The following ASB3 variants were observed in gnomAD, a reference collection of about 807,000 sequenced individuals.
ASB3 encodes ankyrin repeat and SOCS box protein 3.
A neutral mutation model predicts 54.5 loss-of-function variants in ASB3; 41 were observed. The observed-to-expected ratio is 0.75, with a 90% CI of 0.59 to 0.98. The LOEUF (loss-of-function observed/expected upper bound fraction) is 0.98, where lower values mean the gene tolerates loss of function less well. ASB3 is among the 50% of genes least tolerant of loss of function. The pLI is 0.00. For synonymous variants in ASB3, 266 were observed against 221.2 expected (o/e 1.20, Z -1.80); for missense variants, 733 against 620.0 (o/e 1.18, Z -1.94).
chr2:53,681,510 T>C (rs1007822796), intron 9 of ASB3, among the ~76,000 whole-genome samples: 2 of 152,232 alleles, frequency 1.3e-5, no homozygotes, highest in South Asian at 2.1e-4. Flanking sequence ...TTAAACTCTT[T>C]AATGCATTTT....
chr2:53,765,574 T>G lies in ASB3; in HGVS notation c.-2A>C. ...CGCGTAAGCCTCTGTAAAATCCATTTGTTTGACCAGTCTACAAAACAAGGT... is the reference window on the plus strand; with the variant it reads ...CGCGTAAGCCTCTGTAAAATCCATTGGTTTGACCAGTCTACAAAACAAGGT... On this transcript the variant is annotated 5_prime_UTR_variant, in exon 2 of 10. Transcript: ENST00000263634. The G allele has an allele frequency of 6.2e-7, 1 of 1,614,218 alleles. No individual in the cohort carries two copies. The highest frequency in any genetic ancestry group is 8.5e-7 in the Non-Finnish European group (1 of 1,180,032).
chr2:53,673,479 A>G (rs571174745), intron 9 of ASB3, among the ~76,000 whole-genome samples: 43 of 152,338 alleles, frequency 2.8e-4, no homozygotes, highest in Non-Finnish European at 5.3e-4. Context: ...TGACTACATC[A>G]CTGGAGGTCT....
In ASB3 at chr2:53,724,565, C is replaced by T. The variant is rs149892610; in HGVS notation, c.604+4147G>A. Among the ~76,000 whole-genome samples, 203 of 151,100 alleles carry T rather than the reference C, an allele frequency of 1.3e-3. 2 individuals carry two copies. In the East Asian group the frequency reaches 0.029, roughly 22 times the overall value. On this transcript the variant is annotated intron_variant, in intron 5 of 9. Coordinates refer to ENST00000263634, the MANE Select transcript of ASB3 (RefSeq NM_016115.5). ...AGTGAGCAGAGATAGTGCCACTGTA[C>T]GCCATCCTGGGCAACATAGCAAGAC...
chr2:53,729,078 G>A (rs957245941), intron 4 of ASB3, among the ~76,000 whole-genome samples: 16 of 151,904 alleles, frequency 1.1e-4, no homozygotes, highest in African/African-American at 3.9e-4. Context: ...TGATCTCTAG[G>A]AATTATAAAC....
chr2:53,728,596 A>C, intron 5 of ASB3, 116 bp downstream of exon 5: 1 of 1,305,188 alleles, frequency 7.7e-7, no homozygotes, highest in Non-Finnish European at 9.9e-7. Flanking sequence ...TTTACCACTT[A>C]CATAAAACCA....
intron 5 of ASB3, among the ~76,000 whole-genome samples, chr2:53,726,659 CACACACATATATATAT>C (rs967702875): frequency 4.6e-5 from 7 of 151,038 alleles, no homozygotes; most frequent in East Asian, 1.9e-4. Context: ...CATATATATA[CACACACATATATATAT>C]ACACATATAT....
chr2:53,689,626 T>C (rs1668805131), intron 9 of ASB3, among the ~76,000 whole-genome samples: 1 of 152,158 alleles, frequency 6.6e-6, no homozygotes, highest in Non-Finnish European at 1.5e-5. Flanking sequence ...CCACAGATGA[T>C]TTATCTTGAA....
At chr2:53,703,895 T>G (rs1669623761) in intron 7 of ASB3, among the ~76,000 whole-genome samples, 1 of 152,208 alleles carries the variant, frequency 6.6e-6, no homozygotes. Context: ...ATAAAATTTT[T>G]AAACTTATAC....
At chr2:53,709,920 T>C (rs1226086579) in intron 7 of ASB3, among the ~76,000 whole-genome samples, 2 of 152,170 alleles carry the variant, frequency 1.3e-5, no homozygotes, top group African/African-American at 4.8e-5. Flanking sequence ...TCAGCTACCA[T>C]GCCATGAGGA....
intron 5 of ASB3, among the ~76,000 whole-genome samples, chr2:53,721,784 T>C (rs544035074): frequency 6.6e-6 from 1 of 151,602 alleles, no homozygotes; most frequent in African/African-American, 2.4e-5. Context: ...CTTCGAGGAA[T>C]AAGAAAAAAC....
intron 5 of ASB3, among the ~76,000 whole-genome samples, chr2:53,724,497 G>A (rs1249635611): frequency 1.3e-5 from 2 of 152,066 alleles, no homozygotes; most frequent in African/African-American, 4.8e-5. Flanking sequence ...TACTTGGGAG[G>A]CTGAGGCAGG....
chr2:53,721,511 C>T (rs866422532), intron 5 of ASB3, among the ~76,000 whole-genome samples: 27 of 151,912 alleles, frequency 1.8e-4, no homozygotes, highest in African/African-American at 5.8e-4. Flanking sequence ...GCGGAGGTTG[C>T]GGTGAGCCTA....
In ASB3 at chr2:53,751,880, ATAGAG is replaced by A. The variant is rs557096826; in HGVS notation, c.197-944_197-940del. ...CACAGATGCACAACTAAAGGGCAAG[ATAGAG>A]TAGTCATATTTTAAAAGGACATATC... is the stretch of plus-strand genomic sequence containing the variant. On this transcript the variant is annotated intron_variant, in intron 2 of 9. Transcript: ENST00000263634. 1.9e-3 allele frequency among the ~76,000 whole-genome samples: 297 copies of A among 152,356 alleles called. 1 individual carries two copies. Among genetic ancestry groups the A allele is most frequent in the Non-Finnish European group, 3.7e-3 (253 of 68,012 alleles).
chr2:53,765,225 T>C, intron 2 of ASB3, 152 bp downstream of exon 2: 1 of 1,152,690 alleles, frequency 8.7e-7, no homozygotes, highest in East Asian at 2.6e-5. Flanking sequence ...AGGCAGGCAA[T>C]CTTACTATCC....
chr2:53,771,312 C>G (rs1489933165), intron 1 of ASB3, among the ~76,000 whole-genome samples: 1 of 152,056 alleles, frequency 6.6e-6, no homozygotes, highest in African/African-American at 2.4e-5. Flanking sequence ...GTCAGGAGTT[C>G]CATACCAGCC....
chr2:53,739,471 A>C (rs1249555384), intron 3 of ASB3, among the ~76,000 whole-genome samples: 1 of 152,234 alleles, frequency 6.6e-6, no homozygotes, highest in African/African-American at 2.4e-5. Context: ...TCATTAAAGA[A>C]AAAGCTTTTT....
intron 1 of ASB3, among the ~76,000 whole-genome samples, chr2:53,768,605 A>G (rs997106841): frequency 2.0e-5 from 3 of 152,232 alleles, no homozygotes; most frequent in African/African-American, 7.2e-5. Flanking sequence ...TTTGGTTTTC[A>G]GTACTAGTGA....
At chr2:53,781,435 G>C (rs1674642101) in intron 1 of ASB3, among the ~76,000 whole-genome samples, 1 of 151,432 alleles carries the variant, frequency 6.6e-6, no homozygotes, top group African/African-American at 2.4e-5. Flanking sequence ...AAAAGTGAGA[G>C]ATGGTAGTTA....
chr2:53,735,982 G>C (rs1053336792), intron 3 of ASB3, among the ~76,000 whole-genome samples: 2 of 101,810 alleles, frequency 2.0e-5, no homozygotes, highest in African/African-American at 7.7e-5. Context: ...ATTGGATTTA[G>C]AAACAACAAA....
Sources: allele counts gnomAD v4.1 joint callset (sites outside exome capture counted in the v4.1 genomes callset), GRCh38; gene constraint gnomAD v4.1.1; transcripts MANE v1.5; gene names NCBI Gene and HGNC (gene_info 2026-07-23, HGNC 2026-07-21).